PRKCZ: variants seen among roughly 807,000 people sequenced by gnomAD.
PRKCZ encodes the protein protein kinase C zeta, also known as protein kinase C zeta type.
A neutral mutation model predicts 79.5 loss-of-function variants in PRKCZ; 33 were observed. The ratio of observed to expected loss-of-function variants is 0.41; its 90% confidence interval spans 0.31 to 0.55. PRKCZ has a LOEUF of 0.55. Ranked by LOEUF, PRKCZ falls within the 20% of genes least tolerant of loss-of-function variation. The probability of loss-of-function intolerance (pLI) is 0.19; values close to 1 mark genes in which losing one functional copy is unlikely to be tolerated. For synonymous variants in PRKCZ, 342 were observed against 320.9 expected, an observed-to-expected ratio of 1.07 and a Z score of -0.70; for missense variants, 578 against 813.5, an observed-to-expected ratio of 0.71 and a Z score of 3.52.
chr1:2,063,320 C>G (rs1660855123), intron 4 of PRKCZ, among the ~76,000 whole-genome samples: 1 of 152,140 alleles, frequency 6.6e-6, no homozygotes, highest in Non-Finnish European at 1.5e-5. Context: ...TATTTTTATT[C>G]ATTTATTTTT....
At chr1:2,169,412 C>T in intron 10 of PRKCZ, 106 bp from the exon 11 acceptor site, 1 of 943,670 alleles carries the variant, frequency 1.1e-6, no homozygotes, top group Non-Finnish European at 1.7e-6. Context: ...AAGACTGAAC[C>T]TGCGGGAGGG....
intron 4 of PRKCZ, among the ~76,000 whole-genome samples, chr1:2,118,723 G>GTGTGTGTA (rs2102803339): frequency 6.9e-6 from 1 of 145,958 alleles, no homozygotes; most frequent in Admixed American, 6.7e-5. Flanking sequence ...CTGTGTGTGT[G>GTGTGTGTA]TGTGTGTGTG....
intron 17 of PRKCZ, 43 bp from the exon 18 acceptor site, chr1:2,184,879 A>T (rs766602379): frequency 6.5e-7 from 1 of 1,545,752 alleles, no homozygotes; most frequent in Non-Finnish European, 8.9e-7. Flanking sequence ...CAAGGGAATG[A>T]ACACACGGTC....
chr1:2,055,809 C>T (rs1660106543), intron 2 of PRKCZ: 5 of 466,788 alleles, frequency 1.1e-5, no homozygotes, highest in Non-Finnish European at 1.9e-5. Flanking sequence ...AGGGGGTCTC[C>T]CTGCCCCACC....
rs1685756852 is a variant in PRKCZ at position 2,177,750 on chromosome 1, C to T, written c.1575+2437C>T. Among the ~76,000 whole-genome samples the T allele has an allele frequency of 6.6e-6, 1 of 152,194 alleles. No individual in the cohort carries two copies. Among genetic ancestry groups the T allele is most frequent in the Non-Finnish European group, 1.5e-5 (1 of 68,034 alleles). On this transcript the variant is annotated intron_variant, in intron 16 of 17. Transcript: ENST00000378567. This position sits in a 1 kb window ranked among gnomAD's most constrained non-coding sequence, Gnocchi z 6.4. The stretch of plus-strand genomic sequence containing the variant: ...CGGCCCTGGCTTCCCACCTGGGTCC[C>T]ACCACTGCAGAATCACCCCCGTGGC...
chr1:2,163,119 G>A (rs1468999684), intron 10 of PRKCZ, among the ~76,000 whole-genome samples: 4 of 152,232 alleles, frequency 2.6e-5, no homozygotes, highest in African/African-American at 9.6e-5. Context: ...TCACTGGGGT[G>A]ACGTTGACAC....
In PRKCZ at chr1:2,127,011, A is replaced by G. The variant is rs1674044143; in HGVS notation, c.335-8251A>G. On this transcript the variant is annotated intron_variant, in intron 4 of 17. Transcript: ENST00000378567. This position sits in a 1 kb window ranked among gnomAD's most constrained non-coding sequence, Gnocchi z 5.1. Reference sequence around the variant, plus strand: ...GACGTGAGAGGACGGAAGTCGGCAGAGCTTGGCTCCCTGTTCGCCCGACTG... The same window carrying G: ...GACGTGAGAGGACGGAAGTCGGCAGGGCTTGGCTCCCTGTTCGCCCGACTG... 6.6e-6 allele frequency among the ~76,000 whole-genome samples: 1 copy of G among 152,182 alleles called. No individual in the cohort carries two copies. The highest frequency in any genetic ancestry group is 2.4e-5 in the African/African-American group (1 of 41,460).
At chr1:2,129,082 G>A (rs1674475580) in intron 4 of PRKCZ, among the ~76,000 whole-genome samples, 1 of 152,174 alleles carries the variant, frequency 6.6e-6, no homozygotes, top group South Asian at 2.1e-4. Context: ...CAACATCCCT[G>A]CCTGCGGGCC....
intron 4 of PRKCZ, among the ~76,000 whole-genome samples, chr1:2,129,474 G>A (rs1439621901): frequency 2.0e-5 from 3 of 152,074 alleles, no homozygotes; most frequent in African/African-American, 7.2e-5. Flanking sequence ...CCTGGAAGAG[G>A]CAGGATGGTG....
intron 10 of PRKCZ, among the ~76,000 whole-genome samples, chr1:2,162,334 G>T (rs1414832854): frequency 6.6e-6 from 1 of 152,222 alleles, no homozygotes; most frequent in East Asian, 1.9e-4. Context: ...GTTTCACCCT[G>T]TTGGCCAGGC....
At chr1:2,112,545 C>T (rs3107141) in intron 4 of PRKCZ, among the ~76,000 whole-genome samples, 136,154 of 152,134 alleles carry the variant, frequency 0.89, 61,019 homozygotes, top group East Asian at 0.93. Context: ...CCGCTTGGAG[C>T]GGAGGTGAAT....
chr1:2,149,815 C>A lies in PRKCZ; in HGVS notation c.687+891C>A, dbSNP rs1032482512. 6.6e-6 allele frequency among the ~76,000 whole-genome samples: 1 copy of A among 151,890 alleles called. No homozygotes were observed. Among genetic ancestry groups the A allele is most frequent in the African/African-American group, 2.4e-5 (1 of 41,322 alleles). On this transcript the variant is annotated intron_variant, in intron 8 of 17. Coordinates refer to ENST00000378567, the MANE Select transcript of PRKCZ (RefSeq NM_002744.6). This position sits in a 1 kb window ranked among gnomAD's most constrained non-coding sequence, Gnocchi z 4.1. ...GGTGGAGGCTGCAGTGAGCTGAGAT[C>A]GCACCACTGCACTCCAGCCTGGGCG...
intron 4 of PRKCZ, among the ~76,000 whole-genome samples, chr1:2,110,451 C>T (rs1036009744): frequency 2.0e-5 from 3 of 150,616 alleles, no homozygotes; most frequent in Non-Finnish European, 3.0e-5. Flanking sequence ...GCTCCTGGGT[C>T]GCAGCTTCAT....
At chr1:2,139,483 G>A (rs1314213362) in intron 5 of PRKCZ, among the ~76,000 whole-genome samples, 2 of 152,242 alleles carry the variant, frequency 1.3e-5, no homozygotes, top group South Asian at 4.1e-4. Flanking sequence ...CCAGCTACTC[G>A]GGAGGCTGAG....
intron 10 of PRKCZ, among the ~76,000 whole-genome samples, chr1:2,163,661 C>T (rs557198337): frequency 2.4e-4 from 37 of 151,838 alleles, no homozygotes; most frequent in Non-Finnish European, 3.5e-4. Context: ...GAGGCCGAGG[C>T]GGGTAGATCA....
intron 3 of PRKCZ, among the ~76,000 whole-genome samples, chr1:2,058,835 G>A (rs913151069): frequency 2.6e-5 from 4 of 152,198 alleles, no homozygotes; most frequent in African/African-American, 9.6e-5. Flanking sequence ...GGTGGAGGTT[G>A]CAGTGAGCTG....
intron 4 of PRKCZ, among the ~76,000 whole-genome samples, chr1:2,107,590 C>T (rs952820774): frequency 1.3e-5 from 2 of 152,202 alleles, no homozygotes; most frequent in Non-Finnish European, 2.9e-5. Flanking sequence ...AGGCTGATCA[C>T]CCTCAGACAC....
In PRKCZ at chr1:2,080,090, C is replaced by T. The variant is rs543184313; in HGVS notation, c.334+20499C>T. On this transcript the variant is annotated intron_variant, in intron 4 of 17. Coordinates refer to ENST00000378567, the MANE Select transcript of PRKCZ (RefSeq NM_002744.6). ...TTTGGGGTTCGGCCCAGTACAGTCT[C>T]CTGGTGGCCACGGGGCCCTCTGCCT... Among the ~76,000 whole-genome samples the T allele has an allele frequency of 3.3e-5, 5 of 152,352 alleles. No homozygotes were observed. The South Asian group carries it at 1.0e-3, about 32-fold the overall frequency.
chr1:2,181,692 G>T (rs544080611), intron 16 of PRKCZ: 32 of 384,674 alleles, frequency 8.3e-5, no homozygotes, highest in African/African-American at 6.5e-4. Context: ...TGGGCCAGGG[G>T]CTGGAGGACC....
Sources: gnomAD v4.1 joint callset for allele counts (sites outside exome capture counted in the v4.1 genomes callset) on GRCh38, gnomAD v4.1.1 for gene constraint, Gnocchi (gnomAD v3.1) non-coding constraint, MANE v1.5 for transcripts, NCBI Gene and HGNC (gene_info 2026-07-23, HGNC 2026-07-21) for gene names.